C9orf153: variants seen among roughly 807,000 people sequenced by gnomAD.
The protein encoded by C9orf153 is chromosome 9 open reading frame 153, also known as uncharacterized protein C9orf153.
In C9orf153, 10 loss-of-function variants were observed where a neutral mutation model predicts 9.0. The ratio of observed to expected loss-of-function variants is 1.11; its 90% CI spans 0.69 to 1.89. C9orf153 has a LOEUF of 1.89. Ranked by LOEUF, C9orf153 falls within the 40% of genes most tolerant of loss-of-function variation. The pLI, the probability that C9orf153 is intolerant of heterozygous loss-of-function variation, is 0.00. For synonymous variants in C9orf153, 35 were observed against 37.3 expected, an observed-to-expected ratio of 0.94 and a Z score of 0.23; for missense variants, 108 against 111.0, an observed-to-expected ratio of 0.97 and a Z score of 0.12.
At chr9:86,236,659 T>C (rs1236885620) in intron 1 of C9orf153, among the ~76,000 whole-genome samples, 1 of 151,884 alleles carries the variant, frequency 6.6e-6, no homozygotes, top group Non-Finnish European at 1.5e-5. Flanking sequence ...TTAAAGAAGT[T>C]CTTCAGAGAG....
At chr9:86,247,244 G>A (rs1343738507) in intron 1 of C9orf153, among the ~76,000 whole-genome samples, 1 of 152,090 alleles carries the variant, frequency 6.6e-6, no homozygotes, top group Non-Finnish European at 1.5e-5. Flanking sequence ...GAACTCTTTG[G>A]GGTACAGTGA....
intron 3 of C9orf153, among the ~76,000 whole-genome samples, chr9:86,222,772 A>G (rs1206969225): frequency 1.3e-5 from 2 of 152,156 alleles, no homozygotes; most frequent in Admixed American, 6.5e-5. Flanking sequence ...GGGAACAAGT[A>G]TAAGGAGAAT....
In C9orf153 at chr9:86,229,580, A is replaced by G. The variant is rs1824418032; in HGVS notation, c.24T>C (p.Ser8=). MFLTGDT[S]PAEDNREATL... is the part of the protein sequence containing the mutation. ...TGGCTTCTCTATTGTCCTCAGCTGG[A>G]CTGGTGTCTCCAGTGAGGAACATCG... The change falls in exon 2 of 4, where the codon AGT becomes AGC. Residue 8 remains serine, a synonymous_variant. Transcript: ENST00000339137. 3.1e-6 allele frequency: 5 copies of G among 1,612,910 alleles called. No individual in the cohort carries two copies. In the African/African-American group the frequency reaches 6.7e-5, roughly 22 times the overall value.
intron 1 of C9orf153, among the ~76,000 whole-genome samples, chr9:86,240,735 G>A (rs1824721315): frequency 1.6e-5 from 2 of 124,988 alleles, no homozygotes; most frequent in Admixed American, 9.6e-5. Context: ...TTGAGATGGA[G>A]TCTCCCTCTG....
At chr9:86,223,015 C>T (rs937424445) in intron 3 of C9orf153, among the ~76,000 whole-genome samples, 1 of 152,112 alleles carries the variant, frequency 6.6e-6, no homozygotes, top group Non-Finnish European at 1.5e-5. Flanking sequence ...AGAGACTCTT[C>T]GTTGGGCTCA....
At chr9:86,229,754 C>A (rs769903663) in intron 1 of C9orf153, 125 bp from the exon 2 acceptor site, 12 of 596,310 alleles carry the variant, frequency 2.0e-5, no homozygotes, top group Non-Finnish European at 3.3e-5. Context: ...AAATTTTATA[C>A]CTGTATTAGT....
At chr9:86,240,162 T>C (rs563978509) in intron 1 of C9orf153, among the ~76,000 whole-genome samples, 13 of 152,274 alleles carry the variant, frequency 8.5e-5, no homozygotes, top group African/African-American at 3.1e-4. Context: ...CTGACACATG[T>C]ACAATTATAA....
At chr9:86,256,825 A>T (rs1293380930) in intron 1 of C9orf153, among the ~76,000 whole-genome samples, 9 of 152,168 alleles carry the variant, frequency 5.9e-5, no homozygotes, top group Non-Finnish European at 1.0e-4. Flanking sequence ...ATTTTTCTGG[A>T]ATTTGTGATA....
chr9:86,246,520 C>A (rs1029220332), intron 1 of C9orf153, among the ~76,000 whole-genome samples: 1 of 152,072 alleles, frequency 6.6e-6, no homozygotes, highest in African/African-American at 2.4e-5. Flanking sequence ...CCGCAAGCAG[C>A]CAATTAAAGC....
chr9:86,235,302 G>A (rs1277753308), intron 1 of C9orf153, among the ~76,000 whole-genome samples: 1 of 152,152 alleles, frequency 6.6e-6, no homozygotes, highest in Non-Finnish European at 1.5e-5. Context: ...AGCAGAAGAT[G>A]AGAATTCTAA....
intron 1 of C9orf153, among the ~76,000 whole-genome samples, chr9:86,254,843 G>A (rs949460369): frequency 2.0e-5 from 3 of 152,110 alleles, no homozygotes; most frequent in Admixed American, 1.3e-4. Flanking sequence ...GATCATCTGA[G>A]GCCAGGAGTT....
chr9:86,246,041 A>G (rs1477326028), intron 1 of C9orf153, among the ~76,000 whole-genome samples: 1 of 152,186 alleles, frequency 6.6e-6, no homozygotes, highest in African/African-American at 2.4e-5. Context: ...CTGCAATGAC[A>G]GCTAGTGTTT....
At chr9:86,235,105 C>T (rs147445783) in intron 1 of C9orf153, among the ~76,000 whole-genome samples, 72 of 152,188 alleles carry the variant, frequency 4.7e-4, no homozygotes, top group Middle Eastern at 3.4e-3. Context: ...GAATCATGTT[C>T]GGCTTTCAAC....
intron 3 of C9orf153, among the ~76,000 whole-genome samples, chr9:86,226,132 A>G (rs1322280248): frequency 6.6e-6 from 1 of 152,160 alleles, no homozygotes; most frequent in African/African-American, 2.4e-5. Flanking sequence ...GGCCAGTCCT[A>G]TCATTGCTTT....
chr9:86,235,767 A>AAAG (rs1563999771), intron 1 of C9orf153, among the ~76,000 whole-genome samples: 14 of 145,916 alleles, frequency 9.6e-5, no homozygotes, highest in East Asian at 8.0e-4. Flanking sequence ...AAAAAAAAAA[A>AAAG]AGAGAGAGAG....
chr9:86,227,739 A>T, intron 3 of C9orf153, 116 bp downstream of exon 3: 1 of 1,441,174 alleles, frequency 6.9e-7, no homozygotes, highest in African/African-American at 1.4e-5. Flanking sequence ...CCACACTGTG[A>T]CAGCCTCTGC....
intron 1 of C9orf153, among the ~76,000 whole-genome samples, chr9:86,255,899 T>C (rs1174462053): frequency 1.3e-5 from 2 of 152,220 alleles, no homozygotes; most frequent in Non-Finnish European, 2.9e-5. Flanking sequence ...GGCCAGGTCT[T>C]ATATTTTGCT....
At chr9:86,251,140 G>T (rs969013201) in intron 1 of C9orf153, among the ~76,000 whole-genome samples, 2 of 152,162 alleles carry the variant, frequency 1.3e-5, no homozygotes, top group Admixed American at 6.5e-5. Flanking sequence ...AAAACTCCTA[G>T]AGTTTTGCTA....
chr9:86,257,018 A>C (rs1038569698), intron 1 of C9orf153, among the ~76,000 whole-genome samples: 8 of 152,252 alleles, frequency 5.3e-5, no homozygotes, highest in African/African-American at 1.9e-4. Context: ...AGAAAAAAAG[A>C]AGCTTACGGT....
Sources: allele counts gnomAD v4.1 joint callset (sites outside exome capture counted in the v4.1 genomes callset), GRCh38; gene constraint gnomAD v4.1.1; transcripts MANE v1.5; gene names NCBI Gene and HGNC (gene_info 2026-07-23, HGNC 2026-07-21).